The following CUL9 variants were observed in gnomAD, a reference collection of about 807,000 sequenced individuals.
CUL9 encodes the protein cullin 9.
In CUL9, 79 loss-of-function variants were observed where a neutral mutation model predicts 272.6. The ratio of observed to expected loss-of-function variants is 0.29; its 90% CI spans 0.24 to 0.35. The LOEUF is 0.35. Ranked by LOEUF, CUL9 falls within the 10% of genes least tolerant of loss-of-function variation. The pLI is 1.00. For missense variants in CUL9, 2,532 were observed against 3,255.6 expected, an observed-to-expected ratio of 0.78 and a Z score of 5.41; for synonymous variants, 1,186 against 1,286.5, an observed-to-expected ratio of 0.92 and a Z score of 1.67.
rs771857842 is a variant in CUL9 at position 43,220,491 on chromosome 6, C to G, written c.6315C>G (p.Ile2105Met). The G allele has an allele frequency of 2.5e-6, 4 of 1,614,036 alleles. No homozygotes were observed. Among genetic ancestry groups the G allele is most frequent in the Admixed American group, 1.7e-5 (1 of 59,996 alleles). ...SCWNEYLTTR[I>M]EQNLVLNCTC... ...GGAATGAGTACCTGACAACTCGGAT[C>G]GAGCAGAACCTTGTTTTGAATTGCA... Residue 2105 changes from isoleucine (I) to methionine (M), a missense_variant, in exon 32 of 41, where the codon ATC becomes ATG. Ile to Met is a conservative substitution (Grantham distance 10). Around this residue, in one of 3 missense-constraint regions of CUL9, gnomAD observed 2,218 missense variants for 2,788.6 expected, o/e 0.80. Transcript: ENST00000252050. The surrounding 1 kb of genome is among the most constrained non-coding windows in gnomAD (Gnocchi z 4.9).
chr6:43,206,235 G>T lies in CUL9; in HGVS notation c.5022G>T (p.Glu1674Asp). The T allele has an allele frequency of 6.2e-7, 1 of 1,612,196 alleles. No individual in the cohort carries two copies. The highest frequency in any genetic ancestry group is 1.1e-5 in the South Asian group (1 of 90,938). ...AGGAAAAGAGACTAGAGGAAGAGGA[G>T]GTAAGAGCAGGGAGAATAGGAGAGT... is the stretch of plus-strand genomic sequence containing the variant. ...DEEEKRLEEEEEEEEEEEAEK... is the reference protein window; with the variant it reads ...DEEEKRLEEEDEEEEEEEAEK... The change falls in exon 25 of 41, where the codon GAG becomes GAT. Residue 1674 changes from glutamate to aspartate, a missense_variant and splice_region_variant. By Grantham distance (45) the Glu-to-Asp change is conservative. This residue lies in a region of CUL9 where 2,218 missense variants were observed against 2,788.6 expected (regional missense o/e 0.80). Transcript: ENST00000252050. The surrounding 1 kb of genome is among the most constrained non-coding windows in gnomAD (Gnocchi z 4.8).
At chr6:43,182,346 G>A (rs992347363) in intron 1 of CUL9, 97 bp downstream of exon 1, 6 of 152,466 alleles carry the variant, frequency 3.9e-5, no homozygotes, top group African/African-American at 1.4e-4. Context: ...AAGGGAACCA[G>A]GTCTTGCTCT....
At position 43,184,898 on chromosome 6, in the gene CUL9, C is replaced by T. The variant is rs759068521; in HGVS notation, c.588C>T (p.His196=). The T allele has an allele frequency of 1.8e-5, 29 of 1,587,408 alleles. No homozygotes were observed. The highest frequency in any genetic ancestry group is 2.4e-5 in the Non-Finnish European group (28 of 1,169,046). Residue 196 remains histidine (H), a synonymous_variant, in exon 2 of 41, where the codon CAC becomes CAT. Coordinates refer to ENST00000252050, the MANE Select transcript of CUL9 (RefSeq NM_015089.4). This position sits in a 1 kb window ranked among gnomAD's most constrained non-coding sequence, Gnocchi z 4.8. Reference sequence around the variant, plus strand: ...AAATGCTGCAGGCTCTGGCAGCCCACGATGCTGGTAAGAGACAGCCAGGGA... The same window carrying T: ...AAATGCTGCAGGCTCTGGCAGCCCATGATGCTGGTAAGAGACAGCCAGGGA... ...AGKMLQALAA[H]DAGSRAHVLL...
chr6:43,204,754 A>G lies in CUL9; in HGVS notation c.4346A>G (p.Lys1449Arg). 1.2e-6 allele frequency: 2 copies of G among 1,614,132 alleles called. No homozygotes were observed. Among genetic ancestry groups the G allele is most frequent in the Non-Finnish European group, 1.7e-6 (2 of 1,180,000 alleles). ...SPEPSTRPFS[K>R]NSKGRDRSPA... ...TCTCCCTCTGTCTCTACAGTCAGCA[A>G]GAACAGCAAGGGTCGGGACCGGAGC... Residue 1449 changes from lysine (K) to arginine (R), a missense_variant, in exon 22 of 41, where the codon AAG (lysine) becomes AGG (arginine). This residue lies in a region of CUL9 where 2,218 missense variants were observed against 2,788.6 expected (regional missense o/e 0.80). Coordinates refer to ENST00000252050, the MANE Select transcript of CUL9 (RefSeq NM_015089.4).
In CUL9 at chr6:43,223,542, C is replaced by T. The variant is rs1039315535; in HGVS notation, c.7284+145C>T. 35 of 1,189,168 alleles carry T rather than the reference C, an allele frequency of 2.9e-5. No individual in the cohort carries two copies. In the African/African-American group the frequency reaches 4.4e-4, roughly 15 times the overall value. The allele number at this position is 1,189,168 out of a possible 1,614,324, so 73.7% of individuals were successfully genotyped here. ...GGATGTTAGACCTGGGCGCACATCC[C>T]GGCTTTTGGGCCAACCTGCCTGATG... is the stretch of plus-strand genomic sequence containing the variant. On this transcript the variant is annotated intron_variant, in intron 39 of 40. Transcript: ENST00000252050. This position sits in a 1 kb window ranked among gnomAD's most constrained non-coding sequence, Gnocchi z 4.1.
At chr6:43,198,890 G>C (rs141408695) in intron 12 of CUL9, 35 bp downstream of exon 12, 1 of 1,596,100 alleles carries the variant, frequency 6.3e-7, no homozygotes, top group Admixed American at 1.7e-5. Flanking sequence ...GCATTGGGAC[G>C]AGGGAAACTG....
At chr6:43,198,445 T>G (rs1238003528) in intron 11 of CUL9, 164 bp from the exon 12 acceptor site, 9 of 985,170 alleles carry the variant, frequency 9.1e-6, no homozygotes, top group Non-Finnish European at 1.1e-5. Flanking sequence ...GGTTTGTATT[T>G]GGGGTCAGGA....
intron 16 of CUL9, 94 bp from the exon 17 acceptor site, chr6:43,202,622 C>T: frequency 9.8e-7 from 1 of 1,021,058 alleles, no homozygotes; most frequent in Non-Finnish European, 1.5e-6. Flanking sequence ...CTCAAGCGAT[C>T]CTCCCACCTC....
chr6:43,193,866 T>C (rs1773748256), intron 9 of CUL9, among the ~76,000 whole-genome samples: 1 of 152,156 alleles, frequency 6.6e-6, no homozygotes, highest in African/African-American at 2.4e-5. Context: ...TTTTTAGTTA[T>C]TATTAGGTGT....
intron 26 of CUL9, among the ~76,000 whole-genome samples, chr6:43,210,004 GGCTT>G (rs1775346536): frequency 6.6e-6 from 1 of 151,714 alleles, no homozygotes; most frequent in African/African-American, 2.4e-5. Context: ...TTGAGATGGA[GGCTT>G]GCTCTGTTGC....
intron 1 of CUL9, among the ~76,000 whole-genome samples, chr6:43,182,706 C>T (rs1772512162): frequency 6.6e-6 from 1 of 152,076 alleles, no homozygotes; most frequent in Non-Finnish European, 1.5e-5. Context: ...GGTCCACATC[C>T]ATCTTTCTCC....
chr6:43,205,810 CAA>C (rs1313497737), intron 24 of CUL9, among the ~76,000 whole-genome samples, 195 bp from the exon 25 acceptor site: 1 of 135,818 alleles, frequency 7.4e-6, no homozygotes, highest in South Asian at 2.3e-4. Flanking sequence ...GCCTGGGTGA[CAA>C]GAGCAAGACT....
intron 29 of CUL9, 30 bp from the exon 30 acceptor site, chr6:43,215,049 T>A: frequency 1.9e-6 from 3 of 1,563,164 alleles, no homozygotes; most frequent in Non-Finnish European, 2.6e-6. Flanking sequence ...TACATAAAAG[T>A]GGACTTCTTG....
At position 43,222,516 on chromosome 6, in the gene CUL9, C is replaced by G. The variant is rs143585010; in HGVS notation, c.6922-15C>G. 1.4e-3 allele frequency: 2,260 copies of G among 1,613,538 alleles called. 5 individuals carry two copies. The highest frequency in any genetic ancestry group is 7.3e-3 in the Middle Eastern group (44 of 6,062). On this transcript the variant is annotated splice_polypyrimidine_tract_variant and intron_variant, in intron 36 of 40. Coordinates refer to ENST00000252050, the MANE Select transcript of CUL9 (RefSeq NM_015089.4). ...CGCCACCTGTGCTGGTACTGATACA[C>G]CTTCCTCCACACAGGAGTTTGCTGT...
intron 3 of CUL9, 66 bp from the exon 4 acceptor site, chr6:43,185,889 C>T (rs1772864624): frequency 2.2e-5 from 34 of 1,525,882 alleles, no homozygotes; most frequent in Non-Finnish European, 2.5e-5. Context: ...GAGGAGGATA[C>T]TTCAGGGAAG....
At chr6:43,198,534 C>T in intron 11 of CUL9, 75 bp from the exon 12 acceptor site, 1 of 1,566,458 alleles carries the variant, frequency 6.4e-7, no homozygotes, top group Non-Finnish European at 8.7e-7. Flanking sequence ...ATTTTCTGGA[C>T]CTTCCCAGTT....
rs1381927226 is a variant in CUL9, at chr6:43,220,584, A to G, written c.6408A>G (p.Pro2136=). Residue 2136 remains proline (P), a synonymous_variant, in exon 32 of 41, where the codon CCA becomes CCG. Transcript: ENST00000252050. The surrounding 1 kb of genome is among the most constrained non-coding windows in gnomAD (Gnocchi z 4.9). ...GAFIRAIVSS[P]EVISKYEKAL... is the part of the protein sequence containing the mutation. ...TCATTCGTGCCATCGTCTCCTCGCC[A>G]GAGGTCATCTCCAAGGTATCCCCTC... 2 of 1,613,984 alleles carry G rather than the reference A, an allele frequency of 1.2e-6. No individual in the cohort carries two copies. The highest frequency in any genetic ancestry group is 2.2e-5 in the East Asian group (1 of 44,892).
At chr6:43,189,482 C>T (rs1019672300) in intron 8 of CUL9, among the ~76,000 whole-genome samples, 4 of 152,178 alleles carry the variant, frequency 2.6e-5, no homozygotes, top group Admixed American at 6.5e-5. Context: ...CCGCGTCCAG[C>T]CCTCTACTTT....
chr6:43,204,112 T>C, intron 20 of CUL9, 125 bp downstream of exon 20: 1 of 1,283,154 alleles, frequency 7.8e-7, no homozygotes, highest in Admixed American at 2.7e-5. Flanking sequence ...CACCTCAGTG[T>C]TCCTCTCTCC....
Sources: gnomAD v4.1 joint callset for allele counts (sites outside exome capture counted in the v4.1 genomes callset) on GRCh38, gnomAD v4.1.1 for gene constraint, gnomAD v4.1.1 regional missense constraint, Gnocchi (gnomAD v3.1) non-coding constraint, MANE v1.5 for transcripts, NCBI Gene and HGNC (gene_info 2026-07-23, HGNC 2026-07-21) for gene names.